SOX6: variants seen among roughly 807,000 people sequenced by gnomAD.
SOX6 encodes transcription factor SOX-6.
Under a neutral mutation model 97.8 loss-of-function variants are expected in SOX6, and 11 were observed. The ratio of observed to expected loss-of-function variants is 0.11; its 90% confidence interval spans 0.07 to 0.19. The LOEUF is 0.19. SOX6 is among the 10% of genes least tolerant of loss of function. SOX6 has a pLI of 1.00. For synonymous variants in SOX6, 360 were observed against 371.4 expected (o/e 0.97, Z 0.35); for missense variants, 810 against 1,039.5 (o/e 0.78, Z 3.04).
intron 4 of SOX6, among the ~76,000 whole-genome samples, chr11:16,535,396 T>C (rs1222062766): frequency 6.6e-6 from 1 of 152,170 alleles, no homozygotes; most frequent in Admixed American, 6.6e-5. Context: ...AAATTGGTCT[T>C]GGCCAGGCAC....
chr11:16,044,084 T>C (rs182764847), intron 12 of SOX6, among the ~76,000 whole-genome samples: 114 of 152,232 alleles, frequency 7.5e-4, no homozygotes, highest in African/African-American at 2.6e-3. Context: ...TTTTTAGAGA[T>C]GGGGTCTCAC....
intron 15 of SOX6, 58 bp from the exon 16 acceptor site, chr11:15,973,170 G>A: frequency 6.5e-7 from 1 of 1,545,118 alleles, no homozygotes; most frequent in East Asian, 2.3e-5. Context: ...TATGTGCTAT[G>A]TACAGCATTG....
intron 4 of SOX6, among the ~76,000 whole-genome samples, chr11:16,581,957 T>A (rs1848035717): frequency 9.4e-6 from 1 of 106,812 alleles, no homozygotes; most frequent in Non-Finnish European, 1.8e-5. Context: ...TGAGACTCCA[T>A]CTCAAAAAAA....
At chr11:16,617,259 A>T (rs538231358) in intron 3 of SOX6, among the ~76,000 whole-genome samples, 1 of 151,980 alleles carries the variant, frequency 6.6e-6, no homozygotes, top group South Asian at 2.1e-4. Flanking sequence ...TGCAACAATG[A>T]TCATCCTCAT....
intron 1 of SOX6, among the ~76,000 whole-genome samples, chr11:16,471,084 T>G (rs897835096): frequency 3.3e-5 from 5 of 152,044 alleles, no homozygotes; most frequent in African/African-American, 1.2e-4. Context: ...TGTCCGATTT[T>G]TTTTTTGTTT....
chr11:16,269,155 C>T (rs1854169540), intron 3 of SOX6, among the ~76,000 whole-genome samples: 2 of 150,486 alleles, frequency 1.3e-5, no homozygotes, highest in East Asian at 1.9e-4. Context: ...TAATATATGG[C>T]TATACCATAT....
intron 1 of SOX6, among the ~76,000 whole-genome samples, chr11:16,400,335 C>G (rs1858520230): frequency 6.6e-6 from 1 of 151,326 alleles, no homozygotes; most frequent in South Asian, 2.1e-4. Flanking sequence ...GTAGATCTCA[C>G]TAAGAAGACA....
At chr11:16,594,822 C>T (rs1482025707) in intron 4 of SOX6, among the ~76,000 whole-genome samples, 1 of 150,286 alleles carries the variant, frequency 6.7e-6, no homozygotes, top group East Asian at 2.0e-4. Flanking sequence ...TCCCAAGTAG[C>T]TGGGACTACA....
intron 1 of SOX6, among the ~76,000 whole-genome samples, chr11:16,424,077 A>G (rs1328478237): frequency 6.6e-6 from 1 of 152,178 alleles, no homozygotes; most frequent in African/African-American, 2.4e-5. Context: ...GTAATCTGGA[A>G]GGCAGCACAT....
At chr11:16,115,156 A>G (rs1451526988) in intron 6 of SOX6, among the ~76,000 whole-genome samples, 1 of 152,216 alleles carries the variant, frequency 6.6e-6, no homozygotes, top group African/African-American at 2.4e-5. Flanking sequence ...AGGTCAAAGG[A>G]CATTGTGAAA....
intron 3 of SOX6, among the ~76,000 whole-genome samples, chr11:16,644,451 T>C (rs192170834): frequency 3.9e-4 from 59 of 152,300 alleles, no homozygotes; most frequent in African/African-American, 1.3e-3. Flanking sequence ...CCTATTACAA[T>C]AAACAGGAAA....
At chr11:16,100,897 G>A (rs1405982981) in intron 7 of SOX6, among the ~76,000 whole-genome samples, 3 of 151,544 alleles carry the variant, frequency 2.0e-5, no homozygotes, top group Non-Finnish European at 4.4e-5. Context: ...AATTTAGAAA[G>A]TTTGGAAGGA....
At chr11:16,075,430 G>A (rs1848331947) in intron 9 of SOX6, among the ~76,000 whole-genome samples, 1 of 152,078 alleles carries the variant, frequency 6.6e-6, no homozygotes, top group Non-Finnish European at 1.5e-5. Context: ...TAATAAACTG[G>A]ATAAAGAAAA....
At chr11:16,259,490 A>G (rs1475413534) in intron 3 of SOX6, among the ~76,000 whole-genome samples, 1 of 152,140 alleles carries the variant, frequency 6.6e-6, no homozygotes, top group Non-Finnish European at 1.5e-5. Flanking sequence ...ATTTTGAGTA[A>G]GAACAAAATT....
At chr11:16,562,996 A>C (rs1223940363) in intron 4 of SOX6, among the ~76,000 whole-genome samples, 1 of 152,240 alleles carries the variant, frequency 6.6e-6, no homozygotes, top group African/African-American at 2.4e-5. Flanking sequence ...CCAGAGTGTC[A>C]TAATAAAAAA....
intron 1 of SOX6, among the ~76,000 whole-genome samples, chr11:16,416,368 G>C (rs1590195016): frequency 6.6e-6 from 1 of 152,210 alleles, no homozygotes; most frequent in South Asian, 2.1e-4. Context: ...TAGTCTCTCT[G>C]GAACTATAAA....
chr11:16,253,879 C>T (rs1482531189), intron 3 of SOX6, among the ~76,000 whole-genome samples: 1 of 151,934 alleles, frequency 6.6e-6, no homozygotes, highest in African/African-American at 2.4e-5. Flanking sequence ...ACAAAGAACA[C>T]TAAGTATGAT....
intron 1 of SOX6, among the ~76,000 whole-genome samples, chr11:16,383,025 T>A (rs1241512752): frequency 6.6e-6 from 1 of 152,026 alleles, no homozygotes; most frequent in African/African-American, 2.4e-5. Flanking sequence ...AATGTAGCTA[T>A]ACAATGGTGT....
intron 4 of SOX6, among the ~76,000 whole-genome samples, chr11:16,225,215 A>T (rs936925123): frequency 6.6e-6 from 1 of 152,038 alleles, no homozygotes; most frequent in East Asian, 1.9e-4. Context: ...CTAAAGAGAC[A>T]GCAAAAATCC....
Sources: allele counts gnomAD v4.1 joint callset (sites outside exome capture counted in the v4.1 genomes callset), GRCh38; gene constraint gnomAD v4.1.1; transcripts MANE v1.5; gene names NCBI Gene and HGNC (gene_info 2026-07-23, HGNC 2026-07-21).